Variants in SLCO3A1 observed in about 807,000 individuals in gnomAD.
The protein encoded by SLCO3A1 is PGE1 transporter.
In SLCO3A1, 27 loss-of-function variants were observed where a neutral mutation model predicts 63.1. The ratio of observed to expected loss-of-function variants is 0.43; its 90% CI spans 0.32 to 0.59. The LOEUF (loss-of-function observed/expected upper bound fraction) is 0.59. Ranked by LOEUF, SLCO3A1 falls within the 20% of genes least tolerant of loss-of-function variation. SLCO3A1 has a pLI of 0.09. For synonymous variants in SLCO3A1, 473 were observed against 409.9 expected (o/e 1.15, Z -1.86); for missense variants, 773 against 945.8 (o/e 0.82, Z 2.40).
At chr15:92,039,913 A>G (rs1358280479) in intron 2 of SLCO3A1, among the ~76,000 whole-genome samples, 1 of 152,218 alleles carries the variant, frequency 6.6e-6, no homozygotes, top group Non-Finnish European at 1.5e-5. Flanking sequence ...TGTCCTTTGC[A>G]AGGACATGGA....
rs1011392163 is a variant in SLCO3A1 at position 91,863,682 on chromosome 15, G to C, written c.180+9594G>C. ...AAAGGAGCATATTTTTTTGGCCGGA[G>C]TGATGATTGAGGAGAAGAAACTTAA... On this transcript the variant is annotated intron_variant, in intron 1 of 9. Coordinates refer to ENST00000318445, the MANE Select transcript of SLCO3A1 (RefSeq NM_013272.4). The surrounding 1 kb of genome is among the most constrained non-coding windows in gnomAD (Gnocchi z 4.3). Among the ~76,000 whole-genome samples the C allele has an allele frequency of 6.6e-6, 1 of 152,104 alleles. No individual in the cohort carries two copies. The highest frequency in any genetic ancestry group is 2.4e-5 in the African/African-American group (1 of 41,412).
intron 8 of SLCO3A1, among the ~76,000 whole-genome samples, chr15:92,147,581 C>A (rs932210903): frequency 6.6e-6 from 1 of 152,168 alleles, no homozygotes. Flanking sequence ...TGATATGACC[C>A]ATCCTGCCTG....
At chr15:92,075,418 A>C (rs2047265294) in intron 2 of SLCO3A1, among the ~76,000 whole-genome samples, 1 of 152,158 alleles carries the variant, frequency 6.6e-6, no homozygotes, top group South Asian at 2.1e-4. Flanking sequence ...CTCTATGAGA[A>C]TATGGGGGCT....
intron 2 of SLCO3A1, among the ~76,000 whole-genome samples, chr15:91,988,239 C>CA (rs901590571): frequency 1.3e-5 from 2 of 151,374 alleles, no homozygotes; most frequent in Non-Finnish European, 2.9e-5. Flanking sequence ...CTCGTCTCTA[C>CA]AAAAAAAATA....
intron 4 of SLCO3A1, among the ~76,000 whole-genome samples, chr15:92,105,692 G>T (rs914344758): frequency 1.3e-5 from 2 of 152,180 alleles, no homozygotes; most frequent in African/African-American, 4.8e-5. Context: ...CGTCCTGCTG[G>T]ATTTTAGAAA....
intron 2 of SLCO3A1, among the ~76,000 whole-genome samples, chr15:92,071,870 G>T (rs575559321): frequency 3.9e-5 from 6 of 152,226 alleles, no homozygotes; most frequent in African/African-American, 1.4e-4. Flanking sequence ...TGTCTTAGTC[G>T]TAATCTGGGG....
chr15:92,046,110 A>G (rs4340310), intron 2 of SLCO3A1, among the ~76,000 whole-genome samples: 120,448 of 152,052 alleles, frequency 0.79, 47,818 homozygotes, highest in Admixed American at 0.89. Context: ...AATCGGAGCT[A>G]GAAGGGATTT....
At chr15:92,000,024 G>A (rs1266837739) in intron 2 of SLCO3A1, among the ~76,000 whole-genome samples, 1 of 152,160 alleles carries the variant, frequency 6.6e-6, no homozygotes, top group Non-Finnish European at 1.5e-5. Flanking sequence ...ATACTATATG[G>A]CAATTAAATG....
chr15:92,085,744 T>G (rs1352437954), intron 2 of SLCO3A1, among the ~76,000 whole-genome samples: 1 of 152,214 alleles, frequency 6.6e-6, no homozygotes, highest in Admixed American at 6.5e-5. Flanking sequence ...AAACTAGCAT[T>G]GGAGAATCTC....
intron 5 of SLCO3A1, among the ~76,000 whole-genome samples, chr15:92,123,321 C>T (rs1035624054): frequency 2.0e-5 from 3 of 152,048 alleles, no homozygotes; most frequent in South Asian, 2.1e-4. Context: ...GCAGTAGAAT[C>T]GCTTGAACCT....
rs544740504 is a variant in SLCO3A1 at position 92,161,017 on chromosome 15, G to C, written c.1754-1739G>C. Among the ~76,000 whole-genome samples, 191 of 152,158 alleles carry C rather than the reference G, an allele frequency of 1.3e-3. 2 individuals carry two copies. Among genetic ancestry groups the C allele is most frequent in the Non-Finnish European group, 2.4e-4 (16 of 68,002 alleles). ...TCTAGATCTCATCAAAATCTCAGAGGGACCTTCCTTAATACAAAATGAAAT... is the reference window on the plus strand; with the variant it reads ...TCTAGATCTCATCAAAATCTCAGAGCGACCTTCCTTAATACAAAATGAAAT... On this transcript the variant is annotated intron_variant, in intron 9 of 9. Coordinates refer to ENST00000318445, the MANE Select transcript of SLCO3A1 (RefSeq NM_013272.4).
At position 91,916,437 on chromosome 15, in the gene SLCO3A1, A is replaced by G. The variant is rs141220510; in HGVS notation, c.625A>G (p.Lys209Glu). ...CTACATCGACGACCACGTGCGGAGG[A>G]AGGACTCCTCGCTCTATATAGGTAG... Reference protein sequence around the residue: ...VSYIDDHVRRKDSSLYIGILF... With the variant: ...VSYIDDHVRREDSSLYIGILF... Residue 209 changes from lysine to glutamate, a missense_variant, in exon 2 of 10, where the codon AAG becomes GAG. Lys to Glu is a moderately conservative substitution (Grantham distance 56). Coordinates refer to ENST00000318445, the MANE Select transcript of SLCO3A1 (RefSeq NM_013272.4). This position sits in a 1 kb window ranked among gnomAD's most constrained non-coding sequence, Gnocchi z 6.2. 6.2e-7 allele frequency: 1 copy of G among 1,611,232 alleles called. No homozygotes were observed. Among genetic ancestry groups the G allele is most frequent in the Non-Finnish European group, 8.5e-7 (1 of 1,179,004 alleles).
At chr15:91,871,471 A>G (rs1324104377) in intron 1 of SLCO3A1, among the ~76,000 whole-genome samples, 1 of 152,146 alleles carries the variant, frequency 6.6e-6, no homozygotes, top group Non-Finnish European at 1.5e-5. Context: ...TGCAGCAGAG[A>G]TGATCAACAC....
chr15:92,015,809 A>G (rs1375837657), intron 2 of SLCO3A1, among the ~76,000 whole-genome samples: 1 of 152,184 alleles, frequency 6.6e-6, no homozygotes, highest in African/African-American at 2.4e-5. Flanking sequence ...CATTTGCTCA[A>G]TCAGGAAGGC....
intron 2 of SLCO3A1, among the ~76,000 whole-genome samples, chr15:91,984,983 A>G (rs941640779): frequency 6.6e-6 from 1 of 151,988 alleles, no homozygotes; most frequent in Non-Finnish European, 1.5e-5. Context: ...ACATAGAGAG[A>G]AGCACATAAG....
intron 5 of SLCO3A1, among the ~76,000 whole-genome samples, chr15:92,124,889 A>C (rs1007025986): frequency 6.6e-6 from 1 of 152,108 alleles, no homozygotes; most frequent in African/African-American, 2.4e-5. Context: ...GGCCTGTCCT[A>C]GGGAGAGAAA....
chr15:92,035,737 G>C (rs8041844), intron 2 of SLCO3A1, among the ~76,000 whole-genome samples: 119,708 of 151,538 alleles, frequency 0.79, 47,770 homozygotes, highest in Admixed American at 0.89. Flanking sequence ...GTGAATGTCC[G>C]CCAGTCTCCA....
intron 2 of SLCO3A1, among the ~76,000 whole-genome samples, chr15:91,988,098 T>C (rs1567053498): frequency 6.6e-6 from 1 of 152,180 alleles, no homozygotes; most frequent in Non-Finnish European, 1.5e-5. Context: ...AGCAAGGAGA[T>C]ATACTTTTGA....
intron 5 of SLCO3A1, among the ~76,000 whole-genome samples, chr15:92,121,549 G>A (rs148050587): frequency 1.3e-5 from 2 of 152,326 alleles, no homozygotes; most frequent in East Asian, 1.9e-4. Context: ...GTGATGTCCA[G>A]TATTCAGCCG....
Sources: gnomAD v4.1 joint callset for allele counts (sites outside exome capture counted in the v4.1 genomes callset) on GRCh38, gnomAD v4.1.1 for gene constraint, Gnocchi (gnomAD v3.1) non-coding constraint, MANE v1.5 for transcripts, NCBI Gene and HGNC (gene_info 2026-07-23, HGNC 2026-07-21) for gene names.